Variants in FRMPD4 observed in about 807,000 individuals in gnomAD.
FRMPD4 encodes FERM and PDZ domain-containing protein 4.
A neutral mutation model predicts 94.1 loss-of-function variants in FRMPD4; 22 were observed. That is an observed-to-expected ratio of 0.23 (90% CI 0.17 to 0.33). The LOEUF (loss-of-function observed/expected upper bound fraction) is 0.33. FRMPD4 is among the 10% of genes least tolerant of loss of function. FRMPD4 has a pLI of 1.00. For synonymous variants in FRMPD4, 631 were observed against 548.6 expected, an observed-to-expected ratio of 1.15 and a Z score of -2.10; for missense variants, 1,111 against 1,339.9, an observed-to-expected ratio of 0.83 and a Z score of 2.67.
intron 1 of FRMPD4, among the ~76,000 whole-genome samples, chrX:12,399,736 GGAA>G (rs2056587696): frequency 2.7e-5 from 3 of 111,694 alleles, no homozygotes; most frequent in Non-Finnish European, 3.8e-5. Context: ...CTGAGGAGGA[GGAA>G]GAAGAGAAGG....
At chrX:11,888,683 G>A (rs1217921685) in intron 3 of FRMPD4, among the ~76,000 whole-genome samples, 1 of 112,077 alleles carries the variant, frequency 8.9e-6, no homozygotes, top group Non-Finnish European at 1.9e-5. Flanking sequence ...TTGCAATAAA[G>A]TGAGTCACAC....
chrX:11,959,025 G>A (rs999742371), intron 3 of FRMPD4, among the ~76,000 whole-genome samples: 50 of 112,416 alleles, frequency 4.4e-4, no homozygotes, highest in African/African-American at 1.6e-3. Context: ...AAAAATCACA[G>A]TGAGGGTGTA....
At chrX:12,507,338 T>C (rs1019645902) in intron 2 of FRMPD4, among the ~76,000 whole-genome samples, 4 of 112,411 alleles carry the variant, frequency 3.6e-5, no homozygotes, top group African/African-American at 6.5e-5. Context: ...GTGGTCTCTG[T>C]TGTGACTCAA....
intron 8 of FRMPD4, 57 bp downstream of exon 8, chrX:12,690,383 A>T: frequency 9.4e-7 from 1 of 1,065,696 alleles, no homozygotes; most frequent in South Asian, 2.1e-5. Context: ...GAGGTTGCCC[A>T]GTCCAAGATT....
At chrX:12,086,078 CGTGTGTGTGTATGTGTGTGTGTGTGT>C (rs1227317597) in intron 3 of FRMPD4, among the ~76,000 whole-genome samples, 5 of 53,208 alleles carry the variant, frequency 9.4e-5, no homozygotes, top group Non-Finnish European at 2.4e-4. Context: ...TGTCTGTGTG[CGTGTGTGTGTATGTGTGTGTGTGTGT>C]GTGTGTGTGA....
chrX:12,648,961 A>C (rs143323669), intron 4 of FRMPD4, among the ~76,000 whole-genome samples: 153 of 112,316 alleles, frequency 1.4e-3, no homozygotes, highest in Non-Finnish European at 2.4e-3. Context: ...TAATGCATGG[A>C]AGCAGACAGA....
chrX:12,639,044 T>C (rs1414934228), intron 4 of FRMPD4, among the ~76,000 whole-genome samples: 1 of 111,961 alleles, frequency 8.9e-6, no homozygotes, highest in Non-Finnish European at 1.9e-5. Flanking sequence ...AAGCCCTTTT[T>C]CCTTGCCTCC....
chrX:12,592,094 T>C (rs1386967500), intron 2 of FRMPD4, among the ~76,000 whole-genome samples: 1 of 111,489 alleles, frequency 9.0e-6, no homozygotes, highest in Non-Finnish European at 1.9e-5. Context: ...AAGACCTTCA[T>C]TTTGGAGGAG....
intron 3 of FRMPD4, among the ~76,000 whole-genome samples, chrX:12,042,768 G>A (rs1182204784): frequency 8.9e-6 from 1 of 111,892 alleles, no homozygotes; most frequent in Non-Finnish European, 1.9e-5. Flanking sequence ...ATGTCCTTGT[G>A]AAATTTGTGG....
chrX:12,076,665 T>C (rs1034285824), intron 3 of FRMPD4, among the ~76,000 whole-genome samples: 5 of 110,674 alleles, frequency 4.5e-5, no homozygotes, highest in East Asian at 2.8e-4. Flanking sequence ...AAATCCACAA[T>C]TGAAGGCACT....
intron 1 of FRMPD4, among the ~76,000 whole-genome samples, chrX:12,352,098 C>T (rs1239075705): frequency 1.8e-5 from 2 of 111,815 alleles, no homozygotes; most frequent in East Asian, 2.8e-4. Flanking sequence ...GTGTTAGCAC[C>T]GATTCATTCT....
intron 3 of FRMPD4, among the ~76,000 whole-genome samples, chrX:12,064,596 T>C (rs2054907170): frequency 8.9e-6 from 1 of 111,824 alleles, no homozygotes; most frequent in South Asian, 3.7e-4. Flanking sequence ...TACTTGAATG[T>C]AGAGCTTTAG....
intron 3 of FRMPD4, among the ~76,000 whole-genome samples, chrX:12,041,342 T>G (rs2054753592): frequency 8.9e-6 from 1 of 112,343 alleles, no homozygotes. Context: ...GTATTTCTTT[T>G]AAGGTAGATC....
At chrX:12,182,813 T>A (rs1434008137) in intron 1 of FRMPD4, among the ~76,000 whole-genome samples, 1 of 111,327 alleles carries the variant, frequency 9.0e-6, no homozygotes, top group East Asian at 2.8e-4. Context: ...TATGGCCTTG[T>A]TTTTACCGAC....
At chrX:12,155,289 A>G (rs1030454299) in intron 1 of FRMPD4, among the ~76,000 whole-genome samples, 1 of 112,177 alleles carries the variant, frequency 8.9e-6, no homozygotes, top group Non-Finnish European at 1.9e-5. Context: ...TCTGAATATC[A>G]TACCCGTATT....
At chrX:12,071,198 A>T (rs183460569) in intron 3 of FRMPD4, among the ~76,000 whole-genome samples, 111 of 110,156 alleles carry the variant, frequency 1.0e-3, no homozygotes, top group African/African-American at 3.6e-3. Context: ...TGGCTTCGTC[A>T]TTCCTAGCTT....
chrX:12,286,192 T>C (rs1366794070), intron 1 of FRMPD4, among the ~76,000 whole-genome samples: 1 of 112,156 alleles, frequency 8.9e-6, no homozygotes, highest in Non-Finnish European at 1.9e-5. Flanking sequence ...CAAACATCTG[T>C]ATATTCAGAC....
intron 3 of FRMPD4, among the ~76,000 whole-genome samples, chrX:12,030,657 T>C (rs1358746088): frequency 8.9e-6 from 1 of 111,755 alleles, no homozygotes; most frequent in African/African-American, 3.3e-5. Flanking sequence ...GACATCAACA[T>C]TGTTAGAGAA....
At chrX:12,200,142 A>G (rs1433276777) in intron 1 of FRMPD4, among the ~76,000 whole-genome samples, 13 of 112,142 alleles carry the variant, frequency 1.2e-4, no homozygotes, top group South Asian at 3.8e-4. Context: ...TTCTAATCTT[A>G]TGGCTAATTT....
Sources: allele counts gnomAD v4.1 joint callset (sites outside exome capture counted in the v4.1 genomes callset), GRCh38; gene constraint gnomAD v4.1.1; transcripts MANE v1.5; gene names NCBI Gene and HGNC (gene_info 2026-07-23, HGNC 2026-07-21).